STXBP5L: variants seen among roughly 807,000 people sequenced by gnomAD.
STXBP5L encodes syntaxin binding protein 5L.
A neutral mutation model predicts 144.5 loss-of-function variants in STXBP5L; 65 were observed. The ratio of observed to expected loss-of-function variants is 0.45; its 90% confidence interval spans 0.37 to 0.55. The LOEUF (loss-of-function observed/expected upper bound fraction) is 0.55. Among genes scored for constraint, STXBP5L ranks in the 20% least tolerant of loss-of-function variants. The pLI is 0.00. For missense variants in STXBP5L, 1,298 were observed against 1,405.5 expected, an observed-to-expected ratio of 0.92 and a Z score of 1.22; for synonymous variants, 505 against 469.6, an observed-to-expected ratio of 1.08 and a Z score of -0.97.
At chr3:121,074,713 A>C (rs945637820) in intron 5 of STXBP5L, among the ~76,000 whole-genome samples, 8 of 152,190 alleles carry the variant, frequency 5.3e-5, no homozygotes, top group African/African-American at 1.9e-4. Flanking sequence ...TTGTTGGGAC[A>C]GTAGGGGTCA....
At chr3:121,098,100 T>C (rs530860228) in intron 5 of STXBP5L, among the ~76,000 whole-genome samples, 14 of 152,328 alleles carry the variant, frequency 9.2e-5, no homozygotes, top group Non-Finnish European at 1.6e-4. Flanking sequence ...GGTACTGATA[T>C]CAAGAAATGT....
chr3:121,194,335 G>T (rs1178489053), intron 9 of STXBP5L, among the ~76,000 whole-genome samples: 1 of 151,920 alleles, frequency 6.6e-6, no homozygotes, highest in Non-Finnish European at 1.5e-5. Context: ...ATTCTTTCAC[G>T]ATTCATTCAT....
At chr3:121,219,846 C>T (rs752416074) in intron 10 of STXBP5L, among the ~76,000 whole-genome samples, 4 of 151,950 alleles carry the variant, frequency 2.6e-5, no homozygotes, top group Non-Finnish European at 4.4e-5. Context: ...ATTCTGCATG[C>T]GATGCCTAGA....
chr3:120,987,046 C>T (rs1388827995), intron 3 of STXBP5L, among the ~76,000 whole-genome samples: 1 of 151,654 alleles, frequency 6.6e-6, no homozygotes, highest in Non-Finnish European at 1.5e-5. Context: ...CAAAGCTTTC[C>T]GAATTTGATG....
chr3:121,169,035 CA>C (rs1577102948), intron 9 of STXBP5L, among the ~76,000 whole-genome samples: 1 of 152,146 alleles, frequency 6.6e-6, no homozygotes, highest in Non-Finnish European at 1.5e-5. Flanking sequence ...GACCAATATG[CA>C]ATATTCTTAA....
intron 5 of STXBP5L, among the ~76,000 whole-genome samples, chr3:121,057,297 A>T (rs1448042032): frequency 6.6e-6 from 1 of 151,940 alleles, no homozygotes; most frequent in Non-Finnish European, 1.5e-5. Context: ...TTCCCTCTAT[A>T]GTATATTCTA....
chr3:121,126,277 CAT>C (rs1194525804), intron 7 of STXBP5L, among the ~76,000 whole-genome samples: 1 of 152,154 alleles, frequency 6.6e-6, no homozygotes, highest in African/African-American at 2.4e-5. Context: ...CATTCATTAA[CAT>C]ATGTCTGTGG....
intron 2 of STXBP5L, among the ~76,000 whole-genome samples, chr3:120,942,624 C>T (rs1710626908): frequency 6.6e-6 from 1 of 151,044 alleles, no homozygotes; most frequent in South Asian, 2.1e-4. Context: ...TAGGTAATAG[C>T]TACTGATTTT....
At chr3:120,966,476 C>T (rs531342674) in intron 3 of STXBP5L, among the ~76,000 whole-genome samples, 1 of 152,198 alleles carries the variant, frequency 6.6e-6, no homozygotes, top group Non-Finnish European at 1.5e-5. Flanking sequence ...GTGTAGATGA[C>T]CTTTTTGTTG....
chr3:121,229,754 T>A (rs2108306329), intron 11 of STXBP5L, among the ~76,000 whole-genome samples: 1 of 152,102 alleles, frequency 6.6e-6, no homozygotes, highest in South Asian at 2.1e-4. Context: ...ATGTCTTGCC[T>A]TGTTACCCAG....
At chr3:121,357,026 G>A (rs528658339) in intron 20 of STXBP5L, 7 of 201,230 alleles carry the variant, frequency 3.5e-5, no homozygotes, top group East Asian at 2.5e-4. Context: ...AGCCAATCAC[G>A]TGTCATGCCT....
intron 5 of STXBP5L, among the ~76,000 whole-genome samples, chr3:121,105,772 T>G (rs919211639): frequency 6.6e-6 from 1 of 152,198 alleles, no homozygotes; most frequent in Non-Finnish European, 1.5e-5. Flanking sequence ...CATATTCATA[T>G]TTTGAGGTTA....
intron 20 of STXBP5L, among the ~76,000 whole-genome samples, chr3:121,340,141 T>A (rs1253271203): frequency 6.6e-6 from 1 of 152,140 alleles, no homozygotes; most frequent in Non-Finnish European, 1.5e-5. Context: ...TCGCATTACC[T>A]GACTTCAAAT....
At chr3:120,959,102 A>G (rs1165567429) in intron 3 of STXBP5L, among the ~76,000 whole-genome samples, 1 of 152,170 alleles carries the variant, frequency 6.6e-6, no homozygotes, top group Non-Finnish European at 1.5e-5. Context: ...GCATTCTTAT[A>G]CACCAAAAAC....
intron 20 of STXBP5L, among the ~76,000 whole-genome samples, chr3:121,329,225 A>C (rs2044247762): frequency 6.6e-6 from 1 of 152,138 alleles, no homozygotes; most frequent in Non-Finnish European, 1.5e-5. Context: ...ATACTCATGA[A>C]GACTTAAAAG....
At chr3:121,009,996 A>G (rs1360380216) in intron 3 of STXBP5L, among the ~76,000 whole-genome samples, 3 of 151,906 alleles carry the variant, frequency 2.0e-5, no homozygotes, top group Non-Finnish European at 4.4e-5. Flanking sequence ...CTATGTTGAC[A>G]TGTTCTAGTA....
Position 121,205,980 on chromosome 3 carries a change from A to G in STXBP5L, c.935A>G (p.Glu312Gly). ...TCTTGTAAACCAATTCTTAAAGTAGAATACAAGACCTGCAAAAACAGGTAT... is the reference window on the plus strand; with the variant it reads ...TCTTGTAAACCAATTCTTAAAGTAGGATACAAGACCTGCAAAAACAGGTAT... ...SESCKPILKV[E>G]YKTCKNSEPF... The change falls in exon 10 of 27, where the codon GAA becomes GGA. Residue 312 changes from glutamate to glycine, a missense_variant. Physicochemically the swap from Glu to Gly is moderately conservative, Grantham distance 98. Transcript: ENST00000471454. 6.6e-7 allele frequency: 1 copy of G among 1,515,706 alleles called. No homozygotes were observed. The highest frequency in any genetic ancestry group is 8.8e-7 in the Non-Finnish European group (1 of 1,137,816). The allele number at this position is 1,515,706 out of a possible 1,614,324, so 93.9% of individuals were successfully genotyped here.
chr3:121,347,273 C>A (rs1042425557), intron 20 of STXBP5L, among the ~76,000 whole-genome samples: 1 of 152,032 alleles, frequency 6.6e-6, no homozygotes, highest in Non-Finnish European at 1.5e-5. Context: ...AGATATGTGG[C>A]ATTATTTCTG....
At chr3:121,157,830 C>A in intron 9 of STXBP5L, 1 of 613,258 alleles carries the variant, frequency 1.6e-6, no homozygotes, top group Non-Finnish European at 2.5e-6. Context: ...AACCCACATC[C>A]CTGTTTTGTA....
Sources: gnomAD v4.1 joint callset for allele counts (sites outside exome capture counted in the v4.1 genomes callset) on GRCh38, gnomAD v4.1.1 for gene constraint, MANE v1.5 for transcripts, NCBI Gene and HGNC (gene_info 2026-07-23, HGNC 2026-07-21) for gene names.